PPP1R12A: variants seen among roughly 807,000 people sequenced by gnomAD.
PPP1R12A encodes the protein myosin binding subunit.
PPP1R12A carries 19 observed loss-of-function variants against 139.6 expected under a neutral mutation model. The observed-to-expected ratio is 0.14, with a 90% CI of 0.09 to 0.20. The LOEUF (loss-of-function observed/expected upper bound fraction) is 0.20. Ranked by LOEUF, PPP1R12A falls within the 10% of genes least tolerant of loss-of-function variation. PPP1R12A has a pLI of 1.00. For synonymous variants in PPP1R12A, 427 were observed against 420.6 expected (o/e 1.02, Z -0.19); for missense variants, 925 against 1,211.5 (o/e 0.76, Z 3.51).
intron 1 of PPP1R12A, among the ~76,000 whole-genome samples, chr12:79,924,983 GACT>G (rs1224143568): frequency 6.6e-6 from 1 of 151,914 alleles, no homozygotes; most frequent in African/African-American, 2.4e-5. Flanking sequence ...TAACCATGAT[GACT>G]ACATGATCCA....
intron 1 of PPP1R12A, among the ~76,000 whole-genome samples, chr12:79,904,200 G>GT (rs920819609): frequency 6.6e-6 from 1 of 151,026 alleles, no homozygotes; most frequent in African/African-American, 2.4e-5. Context: ...GGGTGACAGA[G>GT]TAAGACTCTG....
intron 5 of PPP1R12A, among the ~76,000 whole-genome samples, chr12:79,822,408 C>T (rs1306180998): frequency 1.3e-5 from 2 of 152,104 alleles, no homozygotes; most frequent in Non-Finnish European, 2.9e-5. Context: ...TTTTTGGTAA[C>T]AGCTTTATTG....
chr12:79,827,222 A>T (rs1876898830), intron 5 of PPP1R12A, among the ~76,000 whole-genome samples: 1 of 152,206 alleles, frequency 6.6e-6, no homozygotes, highest in Non-Finnish European at 1.5e-5. Flanking sequence ...TTTGTATATA[A>T]GTACAAACCA....
At chr12:79,807,596 C>T (rs1873999327) in intron 11 of PPP1R12A, among the ~76,000 whole-genome samples, 1 of 151,686 alleles carries the variant, frequency 6.6e-6, no homozygotes, top group African/African-American at 2.4e-5. Flanking sequence ...GAGATGCTTA[C>T]TTTAACCGCA....
chr12:79,790,679 G>A (rs900202025), intron 19 of PPP1R12A, among the ~76,000 whole-genome samples, 196 bp from the exon 20 acceptor site: 1 of 152,038 alleles, frequency 6.6e-6, no homozygotes, highest in Non-Finnish European at 1.5e-5. Flanking sequence ...TACCTTTAAG[G>A]TCAGCAATTA....
rs1869562203 is a variant in PPP1R12A at position 79,774,782 on chromosome 12, C to G, written c.*1147G>C. Reference sequence around the variant, plus strand: ...AAATGATTTCATAGCATTACTTTGGCTAGCACAACAGTTTTAGACAGCACT... The same window carrying G: ...AAATGATTTCATAGCATTACTTTGGGTAGCACAACAGTTTTAGACAGCACT... On this transcript the variant is annotated 3_prime_UTR_variant, in exon 25 of 25. Transcript: ENST00000450142. 1 of 152,488 alleles carries G rather than the reference C, an allele frequency of 6.6e-6. No individual in the cohort carries two copies. Among genetic ancestry groups the G allele is most frequent in the South Asian group, 2.1e-4 (1 of 4,834 alleles). The allele number at this position is 152,488 out of a possible 1,614,324, so 9.4% of individuals were successfully genotyped here.
intron 2 of PPP1R12A, among the ~76,000 whole-genome samples, chr12:79,853,407 T>C (rs1880282515): frequency 6.6e-6 from 1 of 152,212 alleles, no homozygotes; most frequent in Non-Finnish European, 1.5e-5. Context: ...CTCTGCCTTA[T>C]TCTCTCCACC....
At position 79,906,855 on chromosome 12, in the gene PPP1R12A, C is replaced by T. The variant is rs565396527; in HGVS notation, c.237+27840G>A. On this transcript the variant is annotated intron_variant, in intron 1 of 24. Coordinates refer to ENST00000450142, the MANE Select transcript of PPP1R12A (RefSeq NM_002480.3). Reference sequence around the variant, plus strand: ...GAGAAAGGATTTCGCCATGTTGACCCGGCTGGTCTCGAACTCCTGACCTCA... The same window carrying T: ...GAGAAAGGATTTCGCCATGTTGACCTGGCTGGTCTCGAACTCCTGACCTCA... Among the ~76,000 whole-genome samples, 345 of 152,080 alleles carry T rather than the reference C, an allele frequency of 2.3e-3. 3 individuals carry two copies. The highest frequency in any genetic ancestry group is 7.3e-3 in the African/African-American group (302 of 41,504).
At chr12:79,848,972 T>TAGTTATATATTATTTAGTTATA (rs1879732351) in intron 2 of PPP1R12A, 2 of 151,904 alleles carry the variant, frequency 1.3e-5, no homozygotes, top group Non-Finnish European at 2.9e-5. Flanking sequence ...TAATACATTG[T>TAGTTATATATTATTTAGTTATA]AGTTATATAT....
intron 3 of PPP1R12A, among the ~76,000 whole-genome samples, chr12:79,835,889 A>G (rs1335840676): frequency 6.6e-6 from 1 of 152,154 alleles, no homozygotes; most frequent in Non-Finnish European, 1.5e-5. Context: ...CCTGAATTGT[A>G]TTTTTATTTT....
At position 79,775,874 on chromosome 12, in the gene PPP1R12A, TG is replaced by T; in HGVS notation, c.*54del. ...CCAGACTTCCAGTGACTGCCAATTA[TG>T]GTCCACTGGGTTACTAATATGTGCA... On this transcript the variant is annotated 3_prime_UTR_variant, in exon 25 of 25. Transcript: ENST00000450142. 1 of 1,256,230 alleles carries T rather than the reference TG, an allele frequency of 8.0e-7. No individual in the cohort carries two copies. The highest frequency in any genetic ancestry group is 1.1e-6 in the Non-Finnish European group (1 of 912,492). 77.8% of individuals were successfully genotyped at this position (1,256,230 alleles called of 1,614,324 possible).
At chr12:79,915,793 G>A (rs1210763908) in intron 1 of PPP1R12A, among the ~76,000 whole-genome samples, 1 of 152,134 alleles carries the variant, frequency 6.6e-6, no homozygotes, top group Admixed American at 6.5e-5. Flanking sequence ...CCTTTGGGTT[G>A]ACACTGAGTG....
chr12:79,845,556 C>G, intron 2 of PPP1R12A, 136 bp from the exon 3 acceptor site: 1 of 639,748 alleles, frequency 1.6e-6, no homozygotes, highest in Non-Finnish European at 2.6e-6. Flanking sequence ...TTTTAAAAAA[C>G]TATCAGGCCA....
chr12:79,913,297 A>G (rs896916840), intron 1 of PPP1R12A, among the ~76,000 whole-genome samples: 1 of 152,250 alleles, frequency 6.6e-6, no homozygotes, highest in Non-Finnish European at 1.5e-5. Flanking sequence ...ATATTCTCAT[A>G]GTTACCTTCC....
chr12:79,919,709 C>T (rs918235502), intron 1 of PPP1R12A, among the ~76,000 whole-genome samples: 64 of 152,068 alleles, frequency 4.2e-4, no homozygotes, highest in African/African-American at 1.5e-3. Context: ...AGACTACAAG[C>T]TGTGTTAGGG....
intron 1 of PPP1R12A, among the ~76,000 whole-genome samples, chr12:79,895,494 G>A (rs1885050825): frequency 1.3e-5 from 2 of 152,072 alleles, no homozygotes; most frequent in Non-Finnish European, 2.9e-5. Flanking sequence ...AACCAAAAAA[G>A]GGGAGGGAAA....
At chr12:79,783,345 G>A (rs1405241719) in intron 22 of PPP1R12A, among the ~76,000 whole-genome samples, 3 of 149,170 alleles carry the variant, frequency 2.0e-5, no homozygotes, top group Non-Finnish European at 4.4e-5. Context: ...GGCATTGCCT[G>A]TAGTCCTAAC....
intron 21 of PPP1R12A, chr12:79,787,903 T>G (rs911648913): frequency 5.9e-5 from 9 of 152,250 alleles, no homozygotes; most frequent in African/African-American, 2.2e-4. Context: ...TATACAGTCA[T>G]TAGTATGACT....
At chr12:79,789,715 G>C (rs1871572970) in intron 20 of PPP1R12A, 1 of 439,562 alleles carries the variant, frequency 2.3e-6, no homozygotes, top group South Asian at 1.6e-5. Flanking sequence ...ATGGAATGGA[G>C]ATCAAAATCA....
Sources: gnomAD v4.1 joint callset for allele counts (sites outside exome capture counted in the v4.1 genomes callset) on GRCh38, gnomAD v4.1.1 for gene constraint, MANE v1.5 for transcripts, NCBI Gene and HGNC (gene_info 2026-07-23, HGNC 2026-07-21) for gene names.